The following AIMP2 variants were observed in gnomAD, a reference collection of about 807,000 sequenced individuals.
AIMP2 encodes aminoacyl tRNA synthase complex-interacting multifunctional protein 2.
AIMP2 carries 20 observed loss-of-function variants against 23.4 expected under a neutral mutation model. That is an observed-to-expected ratio of 0.85 (90% CI 0.60 to 1.24). The LOEUF is 1.24. Among genes scored for constraint, AIMP2 ranks in the 50% most tolerant of loss-of-function variants. The pLI is 0.00. For synonymous variants in AIMP2, 210 were observed against 170.4 expected (o/e 1.23, Z -1.81); for missense variants, 515 against 414.5 (o/e 1.24, Z -2.10).
chr7:6,012,710 C>A, intron 1 of AIMP2: 1 of 549,082 alleles, frequency 1.8e-6, no homozygotes. Flanking sequence ...CAGGTGCCCC[C>A]CACCAAGCCC....
chr7:6,022,440 A>G (rs1460071068), intron 3 of AIMP2: 1 of 151,766 alleles, frequency 6.6e-6, no homozygotes, highest in Non-Finnish European at 1.5e-5. Flanking sequence ...AGTGTCCCTA[A>G]CCCCCCCACT....
At chr7:6,017,325 G>T (rs1353760366) in intron 2 of AIMP2, among the ~76,000 whole-genome samples, 3 of 151,664 alleles carry the variant, frequency 2.0e-5, no homozygotes, top group African/African-American at 4.8e-5. Flanking sequence ...AGAACAGCCT[G>T]GGCAACATGG....
chr7:6,023,239 A>G, intron 3 of AIMP2, 64 bp from the exon 4 acceptor site: 3 of 1,508,626 alleles, frequency 2.0e-6, no homozygotes, highest in Non-Finnish European at 2.6e-6. Context: ...CCCCTTCCCC[A>G]CTGTGCGAGT....
At chr7:6,018,660 C>T (rs1008246541) in intron 3 of AIMP2, among the ~76,000 whole-genome samples, 6 of 151,388 alleles carry the variant, frequency 4.0e-5, no homozygotes, top group Admixed American at 1.3e-4. Context: ...ATGGTGAAAC[C>T]CCATCTCTAC....
intron 2 of AIMP2, among the ~76,000 whole-genome samples, chr7:6,017,426 G>A (rs1787089597): frequency 6.6e-6 from 1 of 151,726 alleles, no homozygotes; most frequent in Non-Finnish European, 1.5e-5. Flanking sequence ...AGGAAGCTGA[G>A]GCAGGAGAAT....
chr7:6,018,083 G>T (rs751175661), intron 3 of AIMP2, 38 bp downstream of exon 3: 2 of 1,536,458 alleles, frequency 1.3e-6, no homozygotes, highest in Non-Finnish European at 1.8e-6. Context: ...ACACACAGCT[G>T]CCCCTTGAAC....
rs5882079 is a variant in AIMP2, at chr7:6,013,956, C to CAA, written c.136-1180_136-1179dup. On this transcript the variant is annotated intron_variant, in intron 1 of 3. Coordinates refer to ENST00000223029, the MANE Select transcript of AIMP2 (RefSeq NM_006303.4). ...ATAGAGTGAGACCCTGTCTCCAGGA[C>CAA]AAAAAAAAAAAGACAAGAAAATGAT... is the stretch of plus-strand genomic sequence containing the variant. Among the ~76,000 whole-genome samples the CAA allele has an allele frequency of 1.5e-3, 206 of 141,536 alleles. 2 individuals are homozygous for CAA. Among genetic ancestry groups the CAA allele is most frequent in the Admixed American group, 3.7e-3 (52 of 14,190 alleles). The allele number at this position is 141,536 out of a possible 152,430, so 92.9% of individuals were successfully genotyped here. A position where few individuals can be genotyped will look rare whatever the true frequency, so the allele number is the denominator to read the frequency against.
chr7:6,022,971 G>C (rs1446199887), intron 3 of AIMP2: 4 of 266,392 alleles, frequency 1.5e-5, no homozygotes, highest in Non-Finnish European at 2.8e-5. Context: ...AAGAGCCTGG[G>C]AGATGCAGCT....
Position 6,015,283 on chromosome 7 carries a change from C to A in AIMP2, c.273C>A (p.Asn91Lys), listed in dbSNP as rs961881056. 6.2e-7 allele frequency: 1 copy of A among 1,614,206 alleles called. No individual in the cohort carries two copies. Among genetic ancestry groups the A allele is most frequent in the Non-Finnish European group, 8.5e-7 (1 of 1,180,042 alleles). ...QTPDADLDVT[N>K]IIQADEPTTL... is the part of the protein sequence containing the mutation. ...CAGATGCAGACTTGGATGTAACCAA[C>A]ATAATCCAAGCGGATGAGCCCACGA... Residue 91 changes from asparagine to lysine, a missense_variant, in exon 2 of 4, where the codon AAC becomes AAA. Asn to Lys is a moderately conservative substitution (Grantham distance 94). Coordinates refer to ENST00000223029, the MANE Select transcript of AIMP2 (RefSeq NM_006303.4).
chr7:6,009,369 G>A lies in AIMP2; in HGVS notation c.6G>A (p.Pro2=), dbSNP rs1331315695. Residue 2 remains proline, a synonymous_variant, in exon 1 of 4, where the codon CCG becomes CCA. Transcript: ENST00000223029. ...CCTTTTGCTTTGGTTCTGCCATGCC[G>A]ATGTACCAGGTAAAGCCCTATCACG... The part of the protein sequence containing the change: M[P]MYQVKPYHGG... 6.2e-7 allele frequency: 1 copy of A among 1,611,842 alleles called. No homozygotes were observed. Among genetic ancestry groups the A allele is most frequent in the Non-Finnish European group, 8.5e-7 (1 of 1,180,012 alleles).
At chr7:6,014,928 C>G in intron 1 of AIMP2, 1 of 948,720 alleles carries the variant, frequency 1.1e-6, no homozygotes, top group Non-Finnish European at 1.4e-6. Flanking sequence ...CCATGTTGGC[C>G]AGGCTGGTCT....
chr7:6,019,604 A>G (rs1402738835), intron 3 of AIMP2, among the ~76,000 whole-genome samples: 1 of 152,096 alleles, frequency 6.6e-6, no homozygotes, highest in African/African-American at 2.4e-5. Flanking sequence ...GATACTGAAA[A>G]TGTTCCCAAG....
intron 1 of AIMP2, among the ~76,000 whole-genome samples, chr7:6,014,486 GA>G (rs1347806303): frequency 8.6e-6 from 1 of 116,350 alleles, no homozygotes. Context: ...TCAAACTCTT[GA>G]AATCAGGTGA....
At position 6,023,805 on chromosome 7, in the gene AIMP2, C is replaced by G. The variant is rs780898963; in HGVS notation, c.*114C>G. 6.3e-6 allele frequency: 10 copies of G among 1,582,082 alleles called. No homozygotes were observed. The highest frequency in any genetic ancestry group is 8.6e-6 in the Non-Finnish European group (10 of 1,162,514). On this transcript the variant is annotated 3_prime_UTR_variant, in exon 4 of 4. Coordinates refer to ENST00000223029, the MANE Select transcript of AIMP2 (RefSeq NM_006303.4). The stretch of plus-strand genomic sequence containing the variant: ...GAGTCTTTTTATTTAGGCCAGTTGT[C>G]AAGTGTCAATAAAAGCATCATGTAA...
rs759973375 is a variant in AIMP2, at chr7:6,023,578, G to A, written c.850G>A (p.Val284Ile). ...CGTAGCAGACGTGGTGCTGTGGTCTGTACTCCAGCAGATCGGAGGCTGCAG... is the reference window on the plus strand; with the variant it reads ...CGTAGCAGACGTGGTGCTGTGGTCTATACTCCAGCAGATCGGAGGCTGCAG... ...LTVADVVLWS[V>I]LQQIGGCSVT... The change falls in exon 4 of 4, where the codon GTA (valine) becomes ATA (isoleucine). Residue 284 changes from valine to isoleucine, a missense_variant. Coordinates refer to ENST00000223029, the MANE Select transcript of AIMP2 (RefSeq NM_006303.4). 8.1e-6 allele frequency: 13 copies of A among 1,614,140 alleles called. No individual in the cohort carries two copies. The highest frequency in any genetic ancestry group is 1.6e-4 in the Middle Eastern group (1 of 6,082).
rs978388206 is a variant in AIMP2 at position 6,014,683 on chromosome 7, T to C, written c.136-463T>C. Among the ~76,000 whole-genome samples the C allele has an allele frequency of 3.3e-5, 5 of 152,278 alleles. No individual in the cohort carries two copies. The South Asian group carries it at 1.0e-3, about 32-fold the overall frequency. ...GTTTCTTTACTTTGTAATTAAGGCT[T>C]TGCAGACTTGCATCCCATAATGTCT... On this transcript the variant is annotated intron_variant, in intron 1 of 3. Transcript: ENST00000223029.
chr7:6,016,187 G>T (rs985982708), intron 2 of AIMP2, among the ~76,000 whole-genome samples: 1 of 152,176 alleles, frequency 6.6e-6, no homozygotes, highest in Non-Finnish European at 1.5e-5. Flanking sequence ...TGTATTACAA[G>T]TAAGTTGCAT....
intron 3 of AIMP2, among the ~76,000 whole-genome samples, chr7:6,019,500 AAAAG>A (rs1239299988): frequency 4.6e-5 from 7 of 151,288 alleles, no homozygotes; most frequent in East Asian, 1.9e-4. Context: ...AAAAAAAAAA[AAAAG>A]AGATCTCTTG....
intron 3 of AIMP2, among the ~76,000 whole-genome samples, chr7:6,021,747 G>C (rs979019545): frequency 6.6e-6 from 1 of 152,126 alleles, no homozygotes; most frequent in Non-Finnish European, 1.5e-5. Context: ...CTGGGAGAAG[G>C]CTTCTGATTA....
Sources: allele counts gnomAD v4.1 joint callset (sites outside exome capture counted in the v4.1 genomes callset), GRCh38; gene constraint gnomAD v4.1.1; transcripts MANE v1.5; gene names NCBI Gene and HGNC (gene_info 2026-07-23, HGNC 2026-07-21).